NR2C1: variants seen among roughly 807,000 people sequenced by gnomAD.
NR2C1 encodes TR2 nuclear hormone receptor.
Under a neutral mutation model 74.8 loss-of-function variants are expected in NR2C1, and 33 were observed. The ratio of observed to expected loss-of-function variants is 0.44; its 90% confidence interval spans 0.33 to 0.59. The LOEUF (loss-of-function observed/expected upper bound fraction) is 0.59, where lower values mean the gene tolerates loss of function less well. NR2C1 is among the 20% of genes least tolerant of loss of function. The pLI, the probability that NR2C1 is intolerant of heterozygous loss-of-function variation, is 0.02. For missense variants in NR2C1, 568 were observed against 715.6 expected (o/e 0.79, Z 2.35); for synonymous variants, 225 against 240.6 (o/e 0.94, Z 0.60).
intron 4 of NR2C1, among the ~76,000 whole-genome samples, chr12:95,058,786 G>C (rs1224433595): frequency 6.6e-6 from 1 of 151,884 alleles, no homozygotes; most frequent in Non-Finnish European, 1.5e-5. Flanking sequence ...CACCACACCC[G>C]ACCAGTTTTA....
intron 8 of NR2C1, 38 bp downstream of exon 8, chr12:95,051,724 G>A (rs747357438): frequency 6.5e-7 from 1 of 1,532,968 alleles, no homozygotes; most frequent in East Asian, 2.3e-5. Context: ...TGAAAGACAT[G>A]TAAACAAAAG....
At position 95,028,602 on chromosome 12, in the gene NR2C1, C is replaced by G. The variant is rs148075839; in HGVS notation, c.1394-78G>C. 36 of 1,146,280 alleles carry G rather than the reference C, an allele frequency of 3.1e-5. No individual in the cohort carries two copies. In the African/African-American group the frequency reaches 5.2e-4, roughly 17 times the overall value. 71.0% of individuals were successfully genotyped at this position (1,146,280 alleles called of 1,614,324 possible). On this transcript the variant is annotated intron_variant, in intron 11 of 13. Transcript: ENST00000333003. ...ACTTTCATCCAATATATTTCCCTCT[C>G]AGGAATTTTGAAAAATTTTTTAATT...
intron 10 of NR2C1, among the ~76,000 whole-genome samples, chr12:95,039,523 C>T (rs977483507): frequency 2.0e-5 from 3 of 152,164 alleles, no homozygotes; most frequent in African/African-American, 7.2e-5. Flanking sequence ...TTAGACACAC[C>T]AGTTATTTTA....
At chr12:95,022,426 G>C in intron 13 of NR2C1, 23 bp from the exon 14 acceptor site, 4 of 1,584,686 alleles carry the variant, frequency 2.5e-6, no homozygotes, top group Non-Finnish European at 3.4e-6. Flanking sequence ...AGAAAAAAGG[G>C]AGAGGAACAA....
intron 1 of NR2C1, among the ~76,000 whole-genome samples, chr12:95,068,676 C>A (rs898555043): frequency 6.6e-6 from 1 of 152,010 alleles, no homozygotes; most frequent in Admixed American, 6.6e-5. Context: ...TGCCTGTAAT[C>A]CCAGCTACTC....
intron 1 of NR2C1, among the ~76,000 whole-genome samples, chr12:95,068,100 G>A (rs578207874): frequency 2.0e-5 from 3 of 152,010 alleles, no homozygotes; most frequent in African/African-American, 7.2e-5. Context: ...GGATGGCCTT[G>A]ATCTCCTGAC....
intron 3 of NR2C1, among the ~76,000 whole-genome samples, chr12:95,061,197 C>T (rs1420939108): frequency 1.3e-5 from 2 of 152,130 alleles, no homozygotes; most frequent in Admixed American, 1.3e-4. Flanking sequence ...CAAGAGAAGC[C>T]TCAGGAGACA....
At chr12:95,063,310 A>T (rs1875079911) in intron 2 of NR2C1, among the ~76,000 whole-genome samples, 1 of 152,178 alleles carries the variant, frequency 6.6e-6, no homozygotes, top group Non-Finnish European at 1.5e-5. Context: ...CAGAGCATAT[A>T]AGTAGGTCCC....
intron 1 of NR2C1, among the ~76,000 whole-genome samples, chr12:95,071,291 T>C (rs1438824763): frequency 1.3e-5 from 2 of 152,186 alleles, no homozygotes; most frequent in Admixed American, 6.5e-5. Context: ...CTAAGGTTGT[T>C]AGCTAGGATT....
At chr12:95,042,179 G>A (rs545200469) in intron 9 of NR2C1, among the ~76,000 whole-genome samples, 1 of 151,912 alleles carries the variant, frequency 6.6e-6, no homozygotes, top group African/African-American at 2.4e-5. Context: ...ATTTTTCTGG[G>A]GAATGACTAT....
intron 9 of NR2C1, among the ~76,000 whole-genome samples, chr12:95,044,458 A>G (rs1342226333): frequency 7.0e-6 from 1 of 143,032 alleles, no homozygotes; most frequent in African/African-American, 2.6e-5. Context: ...TTGTATTTTT[A>G]GTAGAGACGG....
intron 10 of NR2C1, among the ~76,000 whole-genome samples, chr12:95,033,330 A>G (rs1592732242): frequency 1.3e-5 from 2 of 152,312 alleles, no homozygotes; most frequent in South Asian, 4.1e-4. Context: ...ATTAGTATAA[A>G]GGATGTATAT....
At chr12:95,024,848 A>G (rs1443951600) in intron 13 of NR2C1, among the ~76,000 whole-genome samples, 1 of 152,182 alleles carries the variant, frequency 6.6e-6, no homozygotes, top group Non-Finnish European at 1.5e-5. Context: ...TCCAAAGAAA[A>G]AGAGTTTGGA....
At chr12:95,051,475 C>T (rs1873000205) in intron 8 of NR2C1, among the ~76,000 whole-genome samples, 1 of 152,178 alleles carries the variant, frequency 6.6e-6, no homozygotes, top group South Asian at 2.1e-4. Flanking sequence ...GTATTACTCA[C>T]TGTGGATTTT....
intron 8 of NR2C1, among the ~76,000 whole-genome samples, chr12:95,049,871 C>A (rs1446833226): frequency 1.3e-5 from 2 of 152,202 alleles, no homozygotes; most frequent in Non-Finnish European, 2.9e-5. Context: ...TCATGGCTCA[C>A]TGTAATCCTG....
In NR2C1 at chr12:95,073,160, C is replaced by T. The variant is rs188580668; in HGVS notation, c.-8+220G>A. The T allele has an allele frequency of 9.4e-3, 1,445 of 153,616 alleles. 23 individuals are homozygous for T. The highest frequency in any genetic ancestry group is 0.032 in the African/African-American group (1,329 of 41,622). 9.5% of individuals were successfully genotyped at this position (153,616 alleles called of 1,614,324 possible). On this transcript the variant is annotated intron_variant, in intron 1 of 13. Transcript: ENST00000333003. ...CGCGTCCCGCCGCCCCTGTCGCCCC[C>T]GCCTCTCCCGGGGCCCCGCGCATTT...
At chr12:95,068,874 A>G (rs920012738) in intron 1 of NR2C1, among the ~76,000 whole-genome samples, 3 of 152,170 alleles carry the variant, frequency 2.0e-5, no homozygotes, top group Admixed American at 6.5e-5. Flanking sequence ...GAGGCAGAAG[A>G]ATCCCATAAA....
intron 10 of NR2C1, among the ~76,000 whole-genome samples, chr12:95,039,808 TTTTTTTC>T (rs1305009222): frequency 6.6e-6 from 1 of 152,116 alleles, no homozygotes. Context: ...ATTAAAACAT[TTTTTTTC>T]TTTTTGTAGA....
intron 13 of NR2C1, among the ~76,000 whole-genome samples, chr12:95,022,918 G>A (rs1868933326): frequency 6.6e-6 from 1 of 151,226 alleles, no homozygotes; most frequent in South Asian, 2.1e-4. Flanking sequence ...ACCCAGGCTG[G>A]TCTCACACTC....
Sources: allele counts gnomAD v4.1 joint callset (sites outside exome capture counted in the v4.1 genomes callset), GRCh38; gene constraint gnomAD v4.1.1; transcripts MANE v1.5; gene names NCBI Gene and HGNC (gene_info 2026-07-23, HGNC 2026-07-21).